Variants in RASGRF2 observed in about 807,000 individuals in gnomAD.
RASGRF2 encodes Ras protein specific guanine nucleotide releasing factor 2.
Under a neutral mutation model 151.0 loss-of-function variants are expected in RASGRF2, and 76 were observed. The ratio of observed to expected loss-of-function variants is 0.50; its 90% confidence interval spans 0.42 to 0.61. The LOEUF (loss-of-function observed/expected upper bound fraction) is 0.61, where lower values mean the gene tolerates loss of function less well. RASGRF2 is among the 20% of genes least tolerant of loss of function. The pLI, the probability that RASGRF2 is intolerant of heterozygous loss-of-function variation, is 0.00. For missense variants in RASGRF2, 1,148 were observed against 1,564.6 expected (o/e 0.73, Z 4.49); for synonymous variants, 504 against 566.5 (o/e 0.89, Z 1.57).
At chr5:81,066,885 G>C (rs539178883) in intron 2 of RASGRF2, among the ~76,000 whole-genome samples, 1 of 152,216 alleles carries the variant, frequency 6.6e-6, no homozygotes, top group African/African-American at 2.4e-5. Context: ...AACATGGCTT[G>C]CCATGGCCCA....
At position 81,042,362 on chromosome 5, in the gene RASGRF2, A is replaced by G. The variant is rs541580846; in HGVS notation, c.289-515A>G. Among the ~76,000 whole-genome samples, 5 of 152,332 alleles carry G rather than the reference A, an allele frequency of 3.3e-5. No individual in the cohort carries two copies. In the South Asian group the frequency reaches 8.3e-4, roughly 25 times the overall value. On this transcript the variant is annotated intron_variant, in intron 1 of 26. Transcript: ENST00000265080. Reference sequence around the variant, plus strand: ...AGGCTACCTCTGGGAAAACAGGGGTATAAGCAATTGATGACATCTGCTAAG... The same window carrying G: ...AGGCTACCTCTGGGAAAACAGGGGTGTAAGCAATTGATGACATCTGCTAAG...
intron 1 of RASGRF2, among the ~76,000 whole-genome samples, chr5:81,030,718 A>G (rs1016405097): frequency 5.9e-5 from 9 of 152,206 alleles, no homozygotes; most frequent in African/African-American, 1.9e-4. Flanking sequence ...AAAGACCATC[A>G]ATGCCAGGAA....
At chr5:81,105,730 G>A (rs1044745642) in intron 12 of RASGRF2, among the ~76,000 whole-genome samples, 12 of 152,210 alleles carry the variant, frequency 7.9e-5, no homozygotes, top group African/African-American at 2.4e-4. Flanking sequence ...TAGAAAGGTC[G>A]CTGGGTGAAG....
intron 15 of RASGRF2, among the ~76,000 whole-genome samples, chr5:81,120,842 G>A (rs1167666410): frequency 6.6e-6 from 1 of 152,210 alleles, no homozygotes; most frequent in Non-Finnish European, 1.5e-5. Context: ...ATGCTTGCTA[G>A]TTCTTGAGAC....
At chr5:81,060,450 G>GC (rs5869071) in intron 2 of RASGRF2, among the ~76,000 whole-genome samples, 100,510 of 151,212 alleles carry the variant, frequency 0.66, 34,413 homozygotes, top group Non-Finnish European at 0.76. Flanking sequence ...TGTAACCTCT[G>GC]CCCCCCTACT....
At chr5:81,198,534 G>C (rs892750045) in intron 18 of RASGRF2, among the ~76,000 whole-genome samples, 2 of 152,088 alleles carry the variant, frequency 1.3e-5, no homozygotes, top group Non-Finnish European at 2.9e-5. Flanking sequence ...CCGCCTGCCG[G>C]GTTCACACCA....
intron 2 of RASGRF2, among the ~76,000 whole-genome samples, chr5:81,056,946 G>A (rs1751235916): frequency 6.6e-6 from 1 of 152,022 alleles, no homozygotes; most frequent in Non-Finnish European, 1.5e-5. Context: ...GACTAGGATT[G>A]CAACCCCTGC....
rs138182664 is a variant in RASGRF2, at chr5:81,002,875, T to C, written c.289-40002T>C. ...GGCAGCTAGAATGGCAGAACTCACTTTGTTCATCGAGCTGCTTATGGGGAA... is the reference window on the plus strand; with the variant it reads ...GGCAGCTAGAATGGCAGAACTCACTCTGTTCATCGAGCTGCTTATGGGGAA... On this transcript the variant is annotated intron_variant, in intron 1 of 26. Coordinates refer to ENST00000265080, the MANE Select transcript of RASGRF2 (RefSeq NM_006909.3). 4.3e-3 allele frequency among the ~76,000 whole-genome samples: 659 copies of C among 152,290 alleles called. 3 individuals are homozygous for C. Among genetic ancestry groups the C allele is most frequent in the Middle Eastern group, 6.8e-3 (2 of 294 alleles).
intron 2 of RASGRF2, among the ~76,000 whole-genome samples, chr5:81,054,073 A>G (rs1013751004): frequency 3.9e-5 from 6 of 151,976 alleles, no homozygotes; most frequent in East Asian, 3.9e-4. Flanking sequence ...CATTCTGTAG[A>G]TTGCCTGTTC....
chr5:81,163,699 T>A (rs1241258096), intron 17 of RASGRF2, among the ~76,000 whole-genome samples: 1 of 152,192 alleles, frequency 6.6e-6, no homozygotes. Context: ...CCTTTATTTT[T>A]CTGACCTGGG....
chr5:81,043,868 C>T (rs937633946), intron 2 of RASGRF2, among the ~76,000 whole-genome samples: 5 of 152,204 alleles, frequency 3.3e-5, no homozygotes, highest in African/African-American at 1.2e-4. Flanking sequence ...GAGACATCTC[C>T]CTGCAAGTCA....
intron 1 of RASGRF2, among the ~76,000 whole-genome samples, chr5:81,000,740 A>G (rs1173599553): frequency 3.3e-5 from 5 of 152,190 alleles, no homozygotes; most frequent in African/African-American, 1.2e-4. Flanking sequence ...CGAGTTTCAC[A>G]GGGTGCATTG....
chr5:81,091,549 G>C (rs1038613042), intron 9 of RASGRF2, among the ~76,000 whole-genome samples: 1 of 152,160 alleles, frequency 6.6e-6, no homozygotes, highest in South Asian at 2.1e-4. Context: ...AGATCCAGGC[G>C]TGGAAACTTG....
intron 1 of RASGRF2, among the ~76,000 whole-genome samples, chr5:81,030,381 T>C (rs536903417): frequency 1.3e-5 from 2 of 151,868 alleles, no homozygotes; most frequent in East Asian, 3.9e-4. Context: ...AAGGAAAAAA[T>C]ATTGAGGGCA....
chr5:81,081,380 C>T (rs74364407), intron 7 of RASGRF2, among the ~76,000 whole-genome samples: 1,537 of 152,262 alleles, frequency 0.01, 42 homozygotes, highest in East Asian at 0.1. Context: ...GTCAGGTGGC[C>T]GCAGGGGCTC....
At chr5:81,103,950 A>G (rs956383346) in intron 12 of RASGRF2, among the ~76,000 whole-genome samples, 1 of 151,396 alleles carries the variant, frequency 6.6e-6, no homozygotes, top group African/African-American at 2.4e-5. Context: ...GTTGTGTGAG[A>G]AAAATACAAG....
rs1327782945 is a variant in RASGRF2, at chr5:81,212,375, C to T, written c.3166C>T (p.Leu1056=). Residue 1056 remains leucine (L), a synonymous_variant, in exon 23 of 27, where the codon CTG becomes TTG. Transcript: ENST00000265080. ...TSQHFNDMSN[L]VASQIMNYAD... ...TTTTTGATTGTCTCAGATGAGTAACCTGGTGGCCTCCCAGATAATGAACTA... is the reference window on the plus strand; with the variant it reads ...TTTTTGATTGTCTCAGATGAGTAACTTGGTGGCCTCCCAGATAATGAACTA... 1.9e-6 allele frequency: 3 copies of T among 1,602,506 alleles called. No individual in the cohort carries two copies. Among genetic ancestry groups the T allele is most frequent in the Non-Finnish European group, 2.6e-6 (3 of 1,171,458 alleles).
intron 25 of RASGRF2, among the ~76,000 whole-genome samples, chr5:81,218,998 G>A (rs1268465538): frequency 6.6e-6 from 1 of 152,006 alleles, no homozygotes; most frequent in Non-Finnish European, 1.5e-5. Context: ...CCAAGGAGAT[G>A]GGGAATCCAA....
intron 1 of RASGRF2, among the ~76,000 whole-genome samples, chr5:81,003,966 G>C (rs1194401206): frequency 6.6e-6 from 1 of 152,116 alleles, no homozygotes; most frequent in African/African-American, 2.4e-5. Context: ...AACTAGAGAG[G>C]GGATCATTTA....
Sources: allele counts gnomAD v4.1 joint callset (sites outside exome capture counted in the v4.1 genomes callset), GRCh38; gene constraint gnomAD v4.1.1; transcripts MANE v1.5; gene names NCBI Gene and HGNC (gene_info 2026-07-23, HGNC 2026-07-21).